TBCD: variants seen among roughly 807,000 people sequenced by gnomAD.
TBCD encodes the protein tubulin-specific chaperone D.
In TBCD, 105 loss-of-function variants were observed where a neutral mutation model predicts 169.3. The observed-to-expected ratio is 0.62, with a 90% CI of 0.53 to 0.73. The LOEUF is 0.73. TBCD is among the 30% of genes least tolerant of loss of function. The pLI is 0.00. For missense variants in TBCD, 1,444 were observed against 1,600.1 expected (o/e 0.90, Z 1.66); for synonymous variants, 700 against 643.9 (o/e 1.09, Z -1.32).
chr17:82,768,788 C>G (rs1218801229), intron 5 of TBCD, among the ~76,000 whole-genome samples: 1 of 152,100 alleles, frequency 6.6e-6, no homozygotes, highest in Non-Finnish European at 1.5e-5. Flanking sequence ...GATGCAAATA[C>G]TCTGTTGAGG....
At position 82,929,295 on chromosome 17, in the gene TBCD, C is replaced by T. The variant is rs201177197; in HGVS notation, c.2852+24C>T. 114 of 1,611,550 alleles carry T rather than the reference C, an allele frequency of 7.1e-5. No individual in the cohort carries two copies. The African/African-American group carries it at 7.6e-4, about 11-fold the overall frequency. On this transcript the variant is annotated intron_variant, in intron 31 of 38. Coordinates refer to ENST00000355528, the MANE Select transcript of TBCD (RefSeq NM_005993.5). Reference sequence around the variant, plus strand: ...AGGTACTGTCGGGGTGTAGGCCCCCCGTGCTGGCCCCGCAGCCATGGCGAG... The same window carrying T: ...AGGTACTGTCGGGGTGTAGGCCCCCTGTGCTGGCCCCGCAGCCATGGCGAG...
At chr17:82,759,437 G>C (rs1283865699) in intron 2 of TBCD, among the ~76,000 whole-genome samples, 3 of 152,218 alleles carry the variant, frequency 2.0e-5, no homozygotes, top group East Asian at 1.9e-4. Flanking sequence ...CAGTGAACGA[G>C]ATCGTGCCAC....
At chr17:82,940,699 C>T (rs919281114) in intron 37 of TBCD, among the ~76,000 whole-genome samples, 5 of 152,262 alleles carry the variant, frequency 3.3e-5, no homozygotes, top group South Asian at 2.1e-4. Context: ...TCTCAACATG[C>T]GTTGAGAGAA....
chr17:82,801,145 A>C, intron 9 of TBCD, 149 bp downstream of exon 9: 1 of 64,000 alleles, frequency 1.6e-5, no homozygotes, highest in South Asian at 2.4e-4. Context: ...TGGGGGAGGC[A>C]GGCGCCATGG....
At chr17:82,852,384 G>C (rs190064588) in intron 13 of TBCD, among the ~76,000 whole-genome samples, 7 of 152,274 alleles carry the variant, frequency 4.6e-5, no homozygotes, top group Non-Finnish European at 1.0e-4. Flanking sequence ...GTGGAAACAA[G>C]TCACCACAGA....
At chr17:82,841,361 A>G (rs2054512229) in intron 13 of TBCD, among the ~76,000 whole-genome samples, 1 of 150,928 alleles carries the variant, frequency 6.6e-6, no homozygotes, top group African/African-American at 2.4e-5. Flanking sequence ...CCTGTCACCC[A>G]AGCTGGAGTG....
rs1454421497 is a variant in TBCD, at chr17:82,874,338, T to C, written c.1475+3958T>C. 1.3e-5 allele frequency among the ~76,000 whole-genome samples: 2 copies of C among 152,070 alleles called. No homozygotes were observed. The highest frequency in any genetic ancestry group is 4.8e-5 in the African/African-American group (2 of 41,414). ...CTGCACAGCCAGGGCCTCCCCGGCA[T>C]GTGGCGGGGCCAGCGTTGGCCTGGG... is the stretch of plus-strand genomic sequence containing the variant. On this transcript the variant is annotated intron_variant, in intron 14 of 38. Coordinates refer to ENST00000355528, the MANE Select transcript of TBCD (RefSeq NM_005993.5). This position sits in a 1 kb window ranked among gnomAD's most constrained non-coding sequence, Gnocchi z 5.0.
In TBCD at chr17:82,926,441, G is replaced by A; in HGVS notation, c.2421G>A (p.Glu807=). Reference sequence around the variant, plus strand: ...GAGCAGTTACCCACACTTCCCCCGAGGACGTAAGTTTTGCTGAGTCCAGGA... The same window carrying A: ...GAGCAGTTACCCACACTTCCCCCGAAGACGTAAGTTTTGCTGAGTCCAGGA... The part of the protein sequence containing the change: ...GLRAVTHTSP[E]DVSFAESRRD... The change falls in exon 28 of 39, where the codon GAG becomes GAA. Residue 807 remains glutamate, a synonymous_variant. Coordinates refer to ENST00000355528, the MANE Select transcript of TBCD (RefSeq NM_005993.5). 1.2e-6 allele frequency: 2 copies of A among 1,614,022 alleles called. No individual in the cohort carries two copies. The highest frequency in any genetic ancestry group is 1.7e-6 in the Non-Finnish European group (2 of 1,179,890).
chr17:82,807,964 A>G (rs2051103601), intron 11 of TBCD, among the ~76,000 whole-genome samples: 1 of 151,950 alleles, frequency 6.6e-6, no homozygotes, highest in Admixed American at 6.5e-5. Flanking sequence ...TGTGCCCCCC[A>G]CCTATCGTTC....
chr17:82,886,949 G>A (rs915371537), intron 15 of TBCD, among the ~76,000 whole-genome samples: 5 of 151,560 alleles, frequency 3.3e-5, no homozygotes, highest in African/African-American at 4.8e-5. Flanking sequence ...GATTACAGAC[G>A]TGAGCCACTG....
In TBCD at chr17:82,921,559, C is replaced by G; in HGVS notation, c.2160C>G (p.His720Gln). 6.2e-7 allele frequency: 1 copy of G among 1,614,034 alleles called. No homozygotes were observed. Among genetic ancestry groups the G allele is most frequent in the Non-Finnish European group, 8.5e-7 (1 of 1,179,904 alleles). The change falls in exon 25 of 39, where the codon CAC becomes CAG. Residue 720 changes from histidine (H) to glutamine (Q), a missense_variant. By Grantham distance (24) the His-to-Gln change is conservative (BLOSUM62 0). Coordinates refer to ENST00000355528, the MANE Select transcript of TBCD (RefSeq NM_005993.5). ...GACATCTCCATCTCATCTCAAGTCA[C>G]TCCCGCCAGCAGATGAAGGTACAGT... Reference protein sequence around the residue: ...TLRHLHLISSHSRQQMKDAAV... With the variant: ...TLRHLHLISSQSRQQMKDAAV...
intron 14 of TBCD, among the ~76,000 whole-genome samples, chr17:82,871,004 CT>C (rs1200344281): frequency 2.6e-5 from 4 of 152,250 alleles, no homozygotes; most frequent in African/African-American, 9.6e-5. Flanking sequence ...TAAGTGAACA[CT>C]TCAGAACCTC....
At chr17:82,926,147 G>A (rs1360689871) in intron 27 of TBCD, among the ~76,000 whole-genome samples, 1 of 133,754 alleles carries the variant, frequency 7.5e-6, no homozygotes, top group Non-Finnish European at 1.6e-5. Flanking sequence ...GCCGTGGAGA[G>A]GCTGGAGGTG....
At chr17:82,801,486 G>T (rs1255115203) in intron 9 of TBCD, among the ~76,000 whole-genome samples, 1 of 149,900 alleles carries the variant, frequency 6.7e-6, no homozygotes, top group Non-Finnish European at 1.5e-5. Context: ...CGTGTGTGTC[G>T]TGTGGCTCGG....
At chr17:82,830,815 G>A in intron 13 of TBCD, 2 of 1,613,454 alleles carry the variant, frequency 1.2e-6, no homozygotes, top group Non-Finnish European at 1.7e-6. Flanking sequence ...GGAAGGCGCG[G>A]CCTCCGAGAC....
chr17:82,856,722 G>A (rs945106024), intron 13 of TBCD, among the ~76,000 whole-genome samples: 2 of 150,352 alleles, frequency 1.3e-5, no homozygotes, highest in African/African-American at 4.9e-5. Flanking sequence ...CATCCAGGGC[G>A]GGATCGCTGG....
chr17:82,759,644 T>C (rs1015870620), intron 2 of TBCD, among the ~76,000 whole-genome samples: 1 of 152,082 alleles, frequency 6.6e-6, no homozygotes, highest in Non-Finnish European at 1.5e-5. Flanking sequence ...TTTAGAAATA[T>C]TTAGCTTGTC....
intron 14 of TBCD, among the ~76,000 whole-genome samples, chr17:82,875,080 G>A (rs959319624): frequency 6.6e-6 from 1 of 152,188 alleles, no homozygotes; most frequent in Non-Finnish European, 1.5e-5. Flanking sequence ...TTTCTAATTG[G>A]TTCCTAGCTT....
intron 14 of TBCD, among the ~76,000 whole-genome samples, chr17:82,883,740 G>T (rs1243007438): frequency 6.6e-6 from 1 of 152,220 alleles, no homozygotes; most frequent in Non-Finnish European, 1.5e-5. Flanking sequence ...TTGCCCCCCT[G>T]TCCAAACGCT....
Sources: gnomAD v4.1 joint callset for allele counts (sites outside exome capture counted in the v4.1 genomes callset) on GRCh38, gnomAD v4.1.1 for gene constraint, Gnocchi (gnomAD v3.1) non-coding constraint, MANE v1.5 for transcripts, NCBI Gene and HGNC (gene_info 2026-07-23, HGNC 2026-07-21) for gene names.